The following HOMER1 variants were observed in gnomAD, a reference collection of about 807,000 sequenced individuals.
HOMER1 encodes homer scaffold protein 1, also known as homer protein homolog 1.
HOMER1 carries 3 observed loss-of-function variants against 48.9 expected under a neutral mutation model. The observed-to-expected ratio is 0.06, with a 90% confidence interval of 0.03 to 0.16. The LOEUF (loss-of-function observed/expected upper bound fraction) is 0.16, where lower values mean the gene tolerates loss of function less well. HOMER1 is among the 10% of genes least tolerant of loss of function. HOMER1 has a pLI of 1.00. For synonymous variants in HOMER1, 134 were observed against 146.4 expected (o/e 0.92, Z 0.61); for missense variants, 247 against 411.4 (o/e 0.60, Z 3.46).
chr5:79,438,097 A>C (rs1750644078), intron 5 of HOMER1, among the ~76,000 whole-genome samples: 1 of 152,192 alleles, frequency 6.6e-6, no homozygotes, highest in South Asian at 2.1e-4. Flanking sequence ...TCAAAATAAA[A>C]ATTCTCATGA....
chr5:79,455,660 A>C (rs1015514480), intron 2 of HOMER1, among the ~76,000 whole-genome samples: 1 of 152,216 alleles, frequency 6.6e-6, no homozygotes, highest in Non-Finnish European at 1.5e-5. Context: ...ACAAAAATTC[A>C]AACCAGTCAG....
At chr5:79,457,462 T>A (rs927107016) in intron 1 of HOMER1, among the ~76,000 whole-genome samples, 2 of 152,208 alleles carry the variant, frequency 1.3e-5, no homozygotes, top group Non-Finnish European at 2.9e-5. Context: ...TTTTACACAT[T>A]TCACACTTTG....
chr5:79,487,866 G>C (rs986231279), intron 1 of HOMER1, among the ~76,000 whole-genome samples: 7 of 152,064 alleles, frequency 4.6e-5, no homozygotes, highest in African/African-American at 1.7e-4. Flanking sequence ...TATATTTACA[G>C]GTAAAATTAT....
rs1749422942 is a variant in HOMER1, at chr5:79,397,653, AAC to A, written c.685-18_685-17del. The A allele has an allele frequency of 7.0e-7, 1 of 1,437,028 alleles. No individual in the cohort carries two copies. The highest frequency in any genetic ancestry group is 9.7e-7 in the Non-Finnish European group (1 of 1,032,202). The allele number at this position is 1,437,028 out of a possible 1,614,324, so 89.0% of individuals were successfully genotyped here. On this transcript the variant is annotated splice_polypyrimidine_tract_variant and intron_variant, in intron 6 of 8. Coordinates refer to ENST00000334082, the MANE Select transcript of HOMER1 (RefSeq NM_004272.5). ...GTTCAGTCACCTAAAATTAAATGAGAACACAGATTAACTTAAATTTCAACTTT... is the reference window on the plus strand; with the variant it reads ...GTTCAGTCACCTAAAATTAAATGAGAACAGATTAACTTAAATTTCAACTTT...
At chr5:79,441,138 G>C (rs1224943095) in intron 4 of HOMER1, among the ~76,000 whole-genome samples, 1 of 152,140 alleles carries the variant, frequency 6.6e-6, no homozygotes, top group East Asian at 1.9e-4. Context: ...CTGGGCAACA[G>C]AGTGAGACTC....
chr5:79,475,526 C>T (rs1431094029), intron 1 of HOMER1, among the ~76,000 whole-genome samples: 2 of 146,810 alleles, frequency 1.4e-5, no homozygotes, highest in African/African-American at 5.1e-5. Flanking sequence ...CATACTTTAT[C>T]AAAATATTCT....
At chr5:79,505,839 T>G (rs1752750998) in intron 1 of HOMER1, among the ~76,000 whole-genome samples, 1 of 152,116 alleles carries the variant, frequency 6.6e-6, no homozygotes. Flanking sequence ...TAGTCTACCT[T>G]AATAGAAAAA....
chr5:79,495,195 C>A (rs1003357978), intron 1 of HOMER1, among the ~76,000 whole-genome samples: 2 of 152,080 alleles, frequency 1.3e-5, no homozygotes, highest in East Asian at 3.9e-4. Flanking sequence ...AGGAAGAGTA[C>A]AATCCTCTTA....
intron 5 of HOMER1, among the ~76,000 whole-genome samples, chr5:79,432,020 T>C (rs1370513436): frequency 6.6e-6 from 1 of 152,240 alleles, no homozygotes; most frequent in South Asian, 2.1e-4. Context: ...TTAATATGTT[T>C]AGGTGAACCC....
At chr5:79,429,377 A>C (rs1453658306) in intron 5 of HOMER1, among the ~76,000 whole-genome samples, 1 of 152,206 alleles carries the variant, frequency 6.6e-6, no homozygotes. Context: ...TCTGTCTGAA[A>C]AAAAGAAAGT....
intron 1 of HOMER1, among the ~76,000 whole-genome samples, chr5:79,459,175 T>C (rs1751250192): frequency 6.6e-6 from 1 of 152,032 alleles, no homozygotes; most frequent in African/African-American, 2.4e-5. Flanking sequence ...TTGGTGATTA[T>C]AAGAATGTGT....
intron 5 of HOMER1, among the ~76,000 whole-genome samples, chr5:79,422,359 T>C (rs765560489): frequency 1.3e-5 from 2 of 152,220 alleles, no homozygotes; most frequent in Non-Finnish European, 2.9e-5. Flanking sequence ...TAAAGATTCA[T>C]AACTTATTTT....
chr5:79,434,438 C>T (rs553631736), intron 5 of HOMER1, among the ~76,000 whole-genome samples: 16 of 152,094 alleles, frequency 1.1e-4, no homozygotes, highest in Admixed American at 6.6e-4. Context: ...TTCCCTCTTA[C>T]GTATATGCCA....
chr5:79,387,651 T>A (rs1386196325), intron 8 of HOMER1, among the ~76,000 whole-genome samples: 1 of 152,160 alleles, frequency 6.6e-6, no homozygotes, highest in African/African-American at 2.4e-5. Flanking sequence ...ACAATTACAT[T>A]TTCTATGTAC....
chr5:79,403,519 C>T (rs191146511), intron 5 of HOMER1, among the ~76,000 whole-genome samples: 349 of 152,186 alleles, frequency 2.3e-3, no homozygotes, highest in African/African-American at 8.1e-3. Flanking sequence ...GAGAAAATAT[C>T]ATATAAACCC....
intron 5 of HOMER1, among the ~76,000 whole-genome samples, chr5:79,422,823 ATCTCT>A (rs1750137562): frequency 6.9e-6 from 1 of 145,876 alleles, no homozygotes; most frequent in African/African-American, 2.6e-5. Flanking sequence ...TTAAAAGATG[ATCTCT>A]TTTTTTTTTT....
At chr5:79,467,328 T>A (rs1580002829) in intron 1 of HOMER1, among the ~76,000 whole-genome samples, 1 of 144,624 alleles carries the variant, frequency 6.9e-6, no homozygotes, top group Admixed American at 7.2e-5. Flanking sequence ...GAGGCTGAGG[T>A]TGCAGTGAGC....
intron 1 of HOMER1, among the ~76,000 whole-genome samples, chr5:79,505,320 G>A (rs566610345): frequency 2.6e-5 from 4 of 152,124 alleles, no homozygotes; most frequent in African/African-American, 9.7e-5. Context: ...GGAAAGGGGG[G>A]GAATCATGGA....
intron 1 of HOMER1, 34 bp downstream of exon 1, chr5:79,512,736 G>C (rs1489862837): frequency 6.2e-7 from 1 of 1,608,364 alleles, no homozygotes; most frequent in Non-Finnish European, 8.5e-7. Flanking sequence ...TACATAAACA[G>C]ATTCGAAGCT....
Sources: allele counts gnomAD v4.1 joint callset (sites outside exome capture counted in the v4.1 genomes callset), GRCh38; gene constraint gnomAD v4.1.1; transcripts MANE v1.5; gene names NCBI Gene and HGNC (gene_info 2026-07-23, HGNC 2026-07-21).